Variants in CAMK4 observed in about 807,000 individuals in gnomAD.
CAMK4 encodes the protein calcium/calmodulin dependent protein kinase IV, also known as calcium/calmodulin-dependent protein kinase type IV.
A neutral mutation model predicts 44.9 loss-of-function variants in CAMK4; 22 were observed. The ratio of observed to expected loss-of-function variants is 0.49; its 90% confidence interval spans 0.35 to 0.70. The LOEUF (loss-of-function observed/expected upper bound fraction) is 0.70, where lower values mean the gene tolerates loss of function less well. Ranked by LOEUF, CAMK4 falls within the 30% of genes least tolerant of loss-of-function variation. CAMK4 has a pLI of 0.01. For missense variants in CAMK4, 498 were observed against 586.8 expected, an observed-to-expected ratio of 0.85 and a Z score of 1.56; for synonymous variants, 218 against 215.4, an observed-to-expected ratio of 1.01 and a Z score of -0.11.
intron 2 of CAMK4, among the ~76,000 whole-genome samples, chr5:111,351,531 T>C (rs969481201): frequency 4.6e-5 from 7 of 151,436 alleles, no homozygotes; most frequent in African/African-American, 7.3e-5. Flanking sequence ...TCAGCCTCCT[T>C]AGTAGCTGAG....
intron 4 of CAMK4, among the ~76,000 whole-genome samples, chr5:111,384,215 A>G (rs1751516938): frequency 6.6e-6 from 1 of 152,188 alleles, no homozygotes; most frequent in Admixed American, 6.5e-5. Flanking sequence ...AGGTCTGCTA[A>G]TGCTGAAGGC....
intron 7 of CAMK4, 71 bp downstream of exon 7, chr5:111,449,274 T>G: frequency 1.4e-6 from 1 of 707,482 alleles, no homozygotes; most frequent in Non-Finnish European, 2.3e-6. Flanking sequence ...CAATCTCATT[T>G]TTAAAAATTC....
rs997458392 is a variant in CAMK4 at position 111,419,885 on chromosome 5, A to C, written c.459+25103A>C. 6.0e-3 allele frequency among the ~76,000 whole-genome samples: 919 copies of C among 152,188 alleles called. 8 individuals carry two copies. Among genetic ancestry groups the C allele is most frequent in the African/African-American group, 0.02 (847 of 41,486 alleles). On this transcript the variant is annotated intron_variant, in intron 5 of 10. Coordinates refer to ENST00000282356, the MANE Select transcript of CAMK4 (RefSeq NM_001744.6). ...TTTGAAATCGGGTAGCGTGATGCCT[A>C]CGGCTTTGTTCTTTTGGCTTAGGAT...
intron 2 of CAMK4, among the ~76,000 whole-genome samples, chr5:111,366,848 T>C (rs138908956): frequency 6.6e-6 from 1 of 151,628 alleles, no homozygotes; most frequent in Non-Finnish European, 1.5e-5. Flanking sequence ...TTTCTTTTAT[T>C]AAATTTTAAA....
chr5:111,466,054 T>G (rs1754816544), intron 7 of CAMK4, among the ~76,000 whole-genome samples: 1 of 152,108 alleles, frequency 6.6e-6, no homozygotes, highest in Non-Finnish European at 1.5e-5. Context: ...CATATGCAAG[T>G]CAATAAATGT....
intron 1 of CAMK4, among the ~76,000 whole-genome samples, chr5:111,297,401 G>C (rs946550333): frequency 2.0e-5 from 3 of 152,096 alleles, no homozygotes; most frequent in Non-Finnish European, 2.9e-5. Context: ...ACTGCACTTC[G>C]TCAAACCTAT....
At chr5:111,474,285 A>C (rs1274443024) in intron 8 of CAMK4, among the ~76,000 whole-genome samples, 2 of 152,228 alleles carry the variant, frequency 1.3e-5, no homozygotes, top group Non-Finnish European at 2.9e-5. Flanking sequence ...TGGGTGGCTT[A>C]AATAACAGAA....
chr5:111,429,199 C>A (rs1276010897), intron 5 of CAMK4, among the ~76,000 whole-genome samples: 5 of 151,974 alleles, frequency 3.3e-5, no homozygotes, highest in Non-Finnish European at 7.4e-5. Flanking sequence ...TGAAACAAAA[C>A]GTTTGTTTCT....
chr5:111,471,452 C>T (rs1237021065), intron 7 of CAMK4, among the ~76,000 whole-genome samples: 1 of 152,114 alleles, frequency 6.6e-6, no homozygotes, highest in Non-Finnish European at 1.5e-5. Flanking sequence ...TTCTTTAGAA[C>T]ATTGTCCCCA....
At chr5:111,298,782 A>G (rs1479662127) in intron 1 of CAMK4, among the ~76,000 whole-genome samples, 3 of 152,210 alleles carry the variant, frequency 2.0e-5, no homozygotes, top group African/African-American at 7.2e-5. Context: ...AGGCTGTGAA[A>G]CCAAATGGCC....
At position 111,486,484 on chromosome 5, in the gene CAMK4, T is replaced by G. The variant is rs1335632659; in HGVS notation, c.*2018T>G. Reference sequence around the variant, plus strand: ...AGAGGATCAATTTCCTGTTGTACTTTTTACCATGAGACTGAAACACACACA... The same window carrying G: ...AGAGGATCAATTTCCTGTTGTACTTGTTACCATGAGACTGAAACACACACA... On this transcript the variant is annotated 3_prime_UTR_variant, in exon 11 of 11. Transcript: ENST00000282356. 7.2e-6 allele frequency: 1 copy of G among 139,746 alleles called. No individual in the cohort carries two copies. Among genetic ancestry groups the G allele is most frequent in the Non-Finnish European group, 1.5e-5 (1 of 65,138 alleles). The allele number at this position is 139,746 out of a possible 1,614,324, so 8.7% of individuals were successfully genotyped here.
intron 1 of CAMK4, among the ~76,000 whole-genome samples, chr5:111,322,302 G>T (rs546086314): frequency 6.6e-6 from 1 of 152,038 alleles, no homozygotes; most frequent in African/African-American, 2.4e-5. Flanking sequence ...TAGATCTCTG[G>T]CCAGGCCAGG....
chr5:111,435,222 T>A (rs1398321548), intron 5 of CAMK4, among the ~76,000 whole-genome samples: 4 of 152,200 alleles, frequency 2.6e-5, no homozygotes, highest in Non-Finnish European at 4.4e-5. Context: ...AATGCATATT[T>A]GCTTTAGGAA....
intron 2 of CAMK4, among the ~76,000 whole-genome samples, chr5:111,363,631 C>G (rs1432873665): frequency 6.6e-6 from 1 of 151,962 alleles, no homozygotes; most frequent in East Asian, 1.9e-4. Flanking sequence ...TGTGTAACTA[C>G]TTTTGATGGA....
chr5:111,291,613 G>A (rs1375504042), intron 1 of CAMK4, among the ~76,000 whole-genome samples: 3 of 152,098 alleles, frequency 2.0e-5, no homozygotes, highest in African/African-American at 7.2e-5. Context: ...TGACCTCCTG[G>A]GCCAAAGTGA....
intron 1 of CAMK4, among the ~76,000 whole-genome samples, chr5:111,255,925 C>T (rs1749722770): frequency 6.6e-6 from 1 of 152,192 alleles, no homozygotes; most frequent in African/African-American, 2.4e-5. Context: ...GTTTTTAAGG[C>T]TAATGATGTA....
At chr5:111,348,057 C>T (rs1210879103) in intron 2 of CAMK4, among the ~76,000 whole-genome samples, 1 of 151,976 alleles carries the variant, frequency 6.6e-6, no homozygotes, top group Non-Finnish European at 1.5e-5. Flanking sequence ...TTTTAAAATT[C>T]TCTTTTACAG....
At chr5:111,385,119 T>G (rs1751552477) in intron 4 of CAMK4, among the ~76,000 whole-genome samples, 1 of 152,194 alleles carries the variant, frequency 6.6e-6, no homozygotes, top group South Asian at 2.1e-4. Flanking sequence ...CACAAATTTT[T>G]TTAATGAGGG....
chr5:111,268,089 C>A (rs910718487), intron 1 of CAMK4, among the ~76,000 whole-genome samples: 2 of 152,136 alleles, frequency 1.3e-5, no homozygotes, highest in African/African-American at 4.8e-5. Flanking sequence ...GAAGAGCTGC[C>A]TGGTGGAAGC....
Sources: allele counts gnomAD v4.1 joint callset (sites outside exome capture counted in the v4.1 genomes callset), GRCh38; gene constraint gnomAD v4.1.1; transcripts MANE v1.5; gene names NCBI Gene and HGNC (gene_info 2026-07-23, HGNC 2026-07-21).